PSEN1: variants seen among roughly 807,000 people sequenced by gnomAD.
PSEN1 encodes the protein presenilin 1.
In PSEN1, 15 loss-of-function variants were observed where a neutral mutation model predicts 53.5. That is an observed-to-expected ratio of 0.28 (90% CI 0.19 to 0.43). The LOEUF (loss-of-function observed/expected upper bound fraction) is 0.43, where lower values mean the gene tolerates loss of function less well. PSEN1 is among the 20% of genes least tolerant of loss of function. PSEN1 has a pLI of 1.00. For synonymous variants in PSEN1, 208 were observed against 209.8 expected, an observed-to-expected ratio of 0.99 and a Z score of 0.08; for missense variants, 387 against 571.2, an observed-to-expected ratio of 0.68 and a Z score of 3.29.
chr14:73,195,053 T>C (rs1898885025), intron 7 of PSEN1, among the ~76,000 whole-genome samples: 1 of 152,254 alleles, frequency 6.6e-6, no homozygotes, highest in South Asian at 2.1e-4. Context: ...ACTTTCATAA[T>C]TACCTTATGT....
At chr14:73,154,580 A>G (rs2139993684) in intron 3 of PSEN1, among the ~76,000 whole-genome samples, 1 of 152,288 alleles carries the variant, frequency 6.6e-6, no homozygotes, top group African/African-American at 2.4e-5. Context: ...CAACCTGGGC[A>G]GCAAAGTGAG....
chr14:73,173,762 A>T, intron 5 of PSEN1, 55 bp downstream of exon 5: 7 of 1,583,072 alleles, frequency 4.4e-6, no homozygotes, highest in Non-Finnish European at 6.1e-6. Flanking sequence ...ATGGTTGGGT[A>T]TTCTTGTCAC....
At chr14:73,173,231 C>T (rs1365156138) in intron 4 of PSEN1, among the ~76,000 whole-genome samples, 1 of 152,148 alleles carries the variant, frequency 6.6e-6, no homozygotes, top group Admixed American at 6.5e-5. Context: ...GTGGCAGAAT[C>T]TGGTTCTATA....
At chr14:73,205,611 T>C (rs1326812174) in intron 8 of PSEN1, among the ~76,000 whole-genome samples, 1 of 152,224 alleles carries the variant, frequency 6.6e-6, no homozygotes, top group Non-Finnish European at 1.5e-5. Context: ...TGGTGTATCT[T>C]CAGGATAAGT....
chr14:73,160,007 A>G (rs1469001350), intron 3 of PSEN1: 2 of 218,732 alleles, frequency 9.1e-6, no homozygotes, highest in Admixed American at 1.0e-4. Context: ...ATTTTTTTGT[A>G]GAGACGAGTT....
intron 8 of PSEN1, among the ~76,000 whole-genome samples, chr14:73,202,992 G>A (rs919046379): frequency 9.9e-5 from 15 of 151,912 alleles, no homozygotes; most frequent in Admixed American, 9.8e-4. Context: ...AGATCAGGTA[G>A]GTTCAAGATT....
chr14:73,151,746 T>G (rs1897230158), intron 3 of PSEN1, among the ~76,000 whole-genome samples: 2 of 150,888 alleles, frequency 1.3e-5, no homozygotes, highest in Non-Finnish European at 2.9e-5. Context: ...TTCTTGTATT[T>G]TTGGCAGAAA....
chr14:73,206,588 G>A, intron 9 of PSEN1, 116 bp downstream of exon 9: 1 of 748,388 alleles, frequency 1.3e-6, no homozygotes, highest in South Asian at 1.5e-5. Context: ...AGAATCTCTT[G>A]AGAACTATGA....
chr14:73,213,259 C>A (rs7143491), intron 10 of PSEN1, among the ~76,000 whole-genome samples: 2,283 of 152,280 alleles, frequency 0.015, 59 homozygotes, highest in African/African-American at 0.051. Context: ...CTACTTTCCT[C>A]TTTTCTCACA....
intron 6 of PSEN1, among the ~76,000 whole-genome samples, chr14:73,188,286 A>G (rs970121781): frequency 5.9e-5 from 9 of 151,508 alleles, no homozygotes; most frequent in East Asian, 5.8e-4. Flanking sequence ...ATAAGTTGCC[A>G]TATTACTAGA....
At chr14:73,197,793 G>A in intron 7 of PSEN1, 1 of 519,360 alleles carries the variant, frequency 1.9e-6, no homozygotes, top group Non-Finnish European at 3.5e-6. Flanking sequence ...TAAGCAAATA[G>A]CAGTCAAACC....
intron 7 of PSEN1, among the ~76,000 whole-genome samples, chr14:73,194,536 C>T (rs1898858984): frequency 1.3e-5 from 2 of 151,452 alleles, no homozygotes; most frequent in Admixed American, 6.6e-5. Flanking sequence ...GTTGGGATTA[C>T]AGGCATGAGC....
Position 73,222,622 on chromosome 14 carries a change from G to T in PSEN1, c.*3333G>T, listed in dbSNP as rs972663727. The T allele has an allele frequency of 1.3e-5, 2 of 152,216 alleles. No individual in the cohort carries two copies. The highest frequency in any genetic ancestry group is 2.9e-5 in the Non-Finnish European group (2 of 68,038). 9.4% of individuals were successfully genotyped at this position (152,216 alleles called of 1,614,324 possible). A position where few individuals can be genotyped will look rare whatever the true frequency, so the allele number is the denominator to read the frequency against. On this transcript the variant is annotated 3_prime_UTR_variant, in exon 12 of 12. Coordinates refer to ENST00000324501, the MANE Select transcript of PSEN1 (RefSeq NM_000021.4). Reference sequence around the variant, plus strand: ...TTTCTGTGTTCCCGTAGGTTCTGGAGTCTGAGGATGCAAAGATGAATAAGA... The same window carrying T: ...TTTCTGTGTTCCCGTAGGTTCTGGATTCTGAGGATGCAAAGATGAATAAGA...
intron 3 of PSEN1, among the ~76,000 whole-genome samples, chr14:73,151,878 T>TATATATATATA (rs1897233725): frequency 7.0e-5 from 4 of 56,906 alleles, no homozygotes; most frequent in African/African-American, 3.7e-4. Context: ...CTAAAATATT[T>TATATATATATA]TATATATATA....
intron 8 of PSEN1, among the ~76,000 whole-genome samples, chr14:73,203,976 A>G (rs1451191796): frequency 2.0e-5 from 3 of 152,182 alleles, no homozygotes; most frequent in Admixed American, 6.5e-5. Context: ...CTACATTAAA[A>G]AACATATTTT....
intron 6 of PSEN1, among the ~76,000 whole-genome samples, 157 bp from the exon 7 acceptor site, chr14:73,192,487 A>G (rs1898761183): frequency 6.6e-6 from 1 of 152,194 alleles, no homozygotes; most frequent in African/African-American, 2.4e-5. Context: ...TTTAAAGGGA[A>G]GTATTAAATA....
intron 3 of PSEN1, among the ~76,000 whole-genome samples, chr14:73,161,339 G>T (rs1202652376): frequency 2.0e-5 from 3 of 152,120 alleles, no homozygotes; most frequent in African/African-American, 7.2e-5. Flanking sequence ...GCTTCCTGTG[G>T]TGTGTAGAAA....
chr14:73,205,285 G>T lies in PSEN1; in HGVS notation c.869-1101G>T, dbSNP rs149643873. ...AGGTCAGGAGATCGAGACCATCCTG[G>T]CTAACACAGTGAAACCCCACCTCTA... is the stretch of plus-strand genomic sequence containing the variant. On this transcript the variant is annotated intron_variant, in intron 8 of 11. Transcript: ENST00000324501. Among the ~76,000 whole-genome samples, 1,238 of 151,898 alleles carry T rather than the reference G, an allele frequency of 8.2e-3. 20 individuals are homozygous for T. Among genetic ancestry groups the T allele is most frequent in the African/African-American group, 0.029 (1,182 of 41,410 alleles).
rs1261083294 is a variant in PSEN1, at chr14:73,220,723, C to A, written c.*1434C>A. ...TCTCTGCCCGCGTTACCTTTCCTCT[C>A]AATGTACCTTTGTGTGAACTGGGCA... On this transcript the variant is annotated 3_prime_UTR_variant, in exon 12 of 12. Coordinates refer to ENST00000324501, the MANE Select transcript of PSEN1 (RefSeq NM_000021.4). 2 of 152,324 alleles carry A rather than the reference C, an allele frequency of 1.3e-5. No homozygotes were observed. 9.4% of individuals were successfully genotyped at this position (152,324 alleles called of 1,614,324 possible). A position where few individuals can be genotyped will look rare whatever the true frequency, so the allele number is the denominator to read the frequency against.
Sources: allele counts gnomAD v4.1 joint callset (sites outside exome capture counted in the v4.1 genomes callset), GRCh38; gene constraint gnomAD v4.1.1; transcripts MANE v1.5; gene names NCBI Gene and HGNC (gene_info 2026-07-23, HGNC 2026-07-21).